The following SLC22A25 variants were observed in gnomAD, a reference collection of about 807,000 sequenced individuals.
The protein encoded by SLC22A25 is solute carrier family 22 member 25, also known as MGI:2442751, MGI:2385316, MGI:3042283, MGI:3645714, MGI:3605624, MGI:2442750.
In SLC22A25, 44 loss-of-function variants were observed where a neutral mutation model predicts 45.9. The observed-to-expected ratio is 0.96, with a 90% confidence interval of 0.75 to 1.23. The LOEUF is 1.23. SLC22A25 is among the 50% of genes most tolerant of loss of function. SLC22A25 has a pLI of 0.00. For missense variants in SLC22A25, 800 were observed against 666.4 expected (o/e 1.20, Z -2.21); for synonymous variants, 283 against 238.6 (o/e 1.19, Z -1.72).
Position 63,197,726 on chromosome 11 carries a change from C to A in SLC22A25, c.831-13909G>T, listed in dbSNP as rs567059983. ...AACAAAAGCCATAATTGACAAATGG[C>A]ATCTAAGTAAACTAAAGAGCTTCTG... On this transcript the variant is annotated intron_variant, in intron 7 of 11. Coordinates refer to ENST00000306494, the MANE Select transcript of SLC22A25 (RefSeq NM_199352.6). Among the ~76,000 whole-genome samples, 31 of 152,114 alleles carry A rather than the reference C, an allele frequency of 2.0e-4. 1 individual carries two copies. The highest frequency in any genetic ancestry group is 1.8e-3 in the Admixed American group (28 of 15,250).
intron 9 of SLC22A25, among the ~76,000 whole-genome samples, chr11:63,174,241 T>G (rs956022825): frequency 6.6e-6 from 1 of 152,204 alleles, no homozygotes; most frequent in Non-Finnish European, 1.5e-5. Context: ...TCATCCTTTT[T>G]TATGGCTGCA....
intron 7 of SLC22A25, among the ~76,000 whole-genome samples, chr11:63,185,117 A>C (rs1007181708): frequency 2.0e-5 from 3 of 152,182 alleles, no homozygotes; most frequent in Admixed American, 6.6e-5. Context: ...TTCATAATGC[A>C]ATCACAAGTA....
chr11:63,168,609 G>C (rs188770857), intron 9 of SLC22A25, among the ~76,000 whole-genome samples: 1 of 152,110 alleles, frequency 6.6e-6, no homozygotes, highest in African/African-American at 2.4e-5. Context: ...GTGAAGGAAA[G>C]ACTAGAGAAA....
intron 3 of SLC22A25, among the ~76,000 whole-genome samples, chr11:63,235,022 G>A (rs886557506): frequency 6.6e-6 from 1 of 152,140 alleles, no homozygotes; most frequent in African/African-American, 2.4e-5. Flanking sequence ...TAGTCTAATG[G>A]GCTTCCCTGT....
At chr11:63,231,792 C>T (rs1158807312) in intron 3 of SLC22A25, among the ~76,000 whole-genome samples, 1 of 152,180 alleles carries the variant, frequency 6.6e-6, no homozygotes, top group East Asian at 1.9e-4. Context: ...TTTAATCCAT[C>T]TTGAATTAAT....
chr11:63,217,197 A>T, intron 7 of SLC22A25, 117 bp downstream of exon 7: 1 of 1,129,496 alleles, frequency 8.9e-7, no homozygotes, highest in East Asian at 2.5e-5. Flanking sequence ...TATTTAGCAC[A>T]GATTAGGAGA....
intron 1 of SLC22A25, among the ~76,000 whole-genome samples, chr11:63,242,922 A>C (rs1404218148): frequency 6.6e-6 from 1 of 152,088 alleles, no homozygotes; most frequent in East Asian, 1.9e-4. Flanking sequence ...CTTCTCCTCC[A>C]CCTTCTGTCT....
chr11:63,229,402 C>T lies in SLC22A25; in HGVS notation c.251G>A (p.Arg84Lys). ...GACAAAGCGACGACACTTCTCTGGCCTCAGATTTGAGTCGAATGGGATGGA... is the reference window on the plus strand; with the variant it reads ...GACAAAGCGACGACACTTCTCTGGCTTCAGATTTGAGTCGAATGGGATGGA... ...RISIPFDSNLRPEKCRRFVHP... is the reference protein window; with the variant it reads ...RISIPFDSNLKPEKCRRFVHP... Residue 84 changes from arginine (R) to lysine (K), a missense_variant, in exon 4 of 12, where the codon AGG becomes AAG. Transcript: ENST00000306494. 6.2e-7 allele frequency: 1 copy of T among 1,614,094 alleles called. No individual in the cohort carries two copies.
intron 7 of SLC22A25, among the ~76,000 whole-genome samples, chr11:63,200,260 A>G (rs970259925): frequency 6.6e-6 from 1 of 150,718 alleles, no homozygotes; most frequent in African/African-American, 2.4e-5. Context: ...TCCTTAAAAA[A>G]TTACTGGTAA....
At chr11:63,235,308 C>T (rs2090144823) in intron 3 of SLC22A25, among the ~76,000 whole-genome samples, 1 of 152,228 alleles carries the variant, frequency 6.6e-6, no homozygotes, top group African/African-American at 2.4e-5. Flanking sequence ...GTTCTTTTCA[C>T]ATAGTCCCAT....
chr11:63,227,926 A>G (rs908538247), intron 5 of SLC22A25, among the ~76,000 whole-genome samples: 3 of 152,182 alleles, frequency 2.0e-5, no homozygotes, highest in African/African-American at 4.8e-5. Context: ...CTGAGTCCCA[A>G]TGCAAAGTCC....
At chr11:63,242,292 A>C (rs961805495) in intron 1 of SLC22A25, among the ~76,000 whole-genome samples, 1 of 152,220 alleles carries the variant, frequency 6.6e-6, no homozygotes, top group Non-Finnish European at 1.5e-5. Context: ...CTTAGGCAGA[A>C]CCCAGAGACC....
rs146091022 is a variant in SLC22A25 at position 63,194,514 on chromosome 11, T to C, written c.831-10697A>G. On this transcript the variant is annotated intron_variant, in intron 7 of 11. Transcript: ENST00000306494. ...AAATCCTTTACACACAAGCAAATGC[T>C]GAGAGATTTTGTCACCATCAGGCCT... Among the ~76,000 whole-genome samples the C allele has an allele frequency of 3.5e-4, 53 of 152,148 alleles. No homozygotes were observed. The East Asian group carries it at 9.5e-3, about 27-fold the overall frequency.
chr11:63,237,374 G>A (rs536784399), intron 3 of SLC22A25, among the ~76,000 whole-genome samples: 8 of 152,248 alleles, frequency 5.3e-5, no homozygotes, highest in South Asian at 2.1e-4. Context: ...TGGATATCGC[G>A]GAGGTGGGTT....
At position 63,207,095 on chromosome 11, in the gene SLC22A25, G is replaced by A. The variant is rs183450960; in HGVS notation, c.830+10219C>T. Among the ~76,000 whole-genome samples the A allele has an allele frequency of 4.3e-3, 633 of 148,752 alleles. 6 individuals carry two copies. Among genetic ancestry groups the A allele is most frequent in the African/African-American group, 0.014 (576 of 41,122 alleles). ...CTAGCCATATACAGAAAACTGAGGGGTCCACCTTATACAAAAATTAACTCA... is the reference window on the plus strand; with the variant it reads ...CTAGCCATATACAGAAAACTGAGGGATCCACCTTATACAAAAATTAACTCA... On this transcript the variant is annotated intron_variant, in intron 7 of 11. Transcript: ENST00000306494.
intron 8 of SLC22A25, among the ~76,000 whole-genome samples, chr11:63,183,028 C>A (rs1278500701): frequency 6.6e-6 from 1 of 151,992 alleles, no homozygotes; most frequent in Non-Finnish European, 1.5e-5. Flanking sequence ...GACCTAGTAC[C>A]ATTTGTGGCA....
chr11:63,200,815 G>C (rs1420656698), intron 7 of SLC22A25, among the ~76,000 whole-genome samples: 7 of 151,940 alleles, frequency 4.6e-5, no homozygotes, highest in South Asian at 2.1e-4. Flanking sequence ...AAAGTCTCAG[G>C]GTACAAAATC....
intron 7 of SLC22A25, among the ~76,000 whole-genome samples, chr11:63,199,884 T>C (rs1270590027): frequency 6.6e-6 from 1 of 151,998 alleles, no homozygotes; most frequent in Non-Finnish European, 1.5e-5. Context: ...AATTGCTTGT[T>C]GATACTGTGC....
At chr11:63,224,323 G>A (rs1327490108) in intron 5 of SLC22A25, among the ~76,000 whole-genome samples, 6 of 151,916 alleles carry the variant, frequency 3.9e-5, no homozygotes, top group African/African-American at 1.5e-4. Flanking sequence ...GTCTATGTGT[G>A]TATAGATAAG....
Sources: allele counts gnomAD v4.1 joint callset (sites outside exome capture counted in the v4.1 genomes callset), GRCh38; gene constraint gnomAD v4.1.1; transcripts MANE v1.5; gene names NCBI Gene and HGNC (gene_info 2026-07-23, HGNC 2026-07-21).